BTBD9: variants seen among roughly 807,000 people sequenced by gnomAD.
BTBD9 encodes the protein BTB domain containing 9, also known as BTB/POZ domain-containing protein 9.
BTBD9 carries 49 observed loss-of-function variants against 64.3 expected under a neutral mutation model. The ratio of observed to expected loss-of-function variants is 0.76; its 90% CI spans 0.61 to 0.97. The LOEUF (loss-of-function observed/expected upper bound fraction) is 0.97. Among genes scored for constraint, BTBD9 ranks in the 50% least tolerant of loss-of-function variants. The pLI, the probability that BTBD9 is intolerant of heterozygous loss-of-function variation, is 0.00. For missense variants in BTBD9, 598 were observed against 762.1 expected (o/e 0.78, Z 2.53); for synonymous variants, 260 against 274.7 (o/e 0.95, Z 0.53).
At chr6:38,304,185 G>A (rs1443803560) in intron 7 of BTBD9, among the ~76,000 whole-genome samples, 1 of 151,764 alleles carries the variant, frequency 6.6e-6, no homozygotes, top group African/African-American at 2.4e-5. Context: ...TTCCTTTCAA[G>A]AAACAGCTTT....
At chr6:38,628,104 T>C (rs536879700) in intron 1 of BTBD9, among the ~76,000 whole-genome samples, 8 of 152,132 alleles carry the variant, frequency 5.3e-5, no homozygotes, top group African/African-American at 1.7e-4. Context: ...AGGAACAAAG[T>C]AGAAGGGACA....
At chr6:38,382,072 A>G (rs1394588412) in intron 6 of BTBD9, among the ~76,000 whole-genome samples, 1 of 152,196 alleles carries the variant, frequency 6.6e-6, no homozygotes, top group Admixed American at 6.5e-5. Context: ...CTTTTGCAGA[A>G]TTATGGAACC....
chr6:38,481,079 T>C (rs1031082975), intron 6 of BTBD9, among the ~76,000 whole-genome samples: 13 of 152,028 alleles, frequency 8.6e-5, no homozygotes, highest in African/African-American at 2.9e-4. Flanking sequence ...ACAGAAACAA[T>C]GGAAATCCCA....
chr6:38,577,977 T>C (rs1776128613), intron 5 of BTBD9, among the ~76,000 whole-genome samples: 1 of 152,212 alleles, frequency 6.6e-6, no homozygotes, highest in Admixed American at 6.5e-5. Flanking sequence ...CTTATATTCA[T>C]ATCCCCAGGG....
chr6:38,375,304 A>G (rs1203301434), intron 6 of BTBD9, among the ~76,000 whole-genome samples: 4 of 152,094 alleles, frequency 2.6e-5, no homozygotes, highest in African/African-American at 4.8e-5. Context: ...AGCATCAAAT[A>G]TTTTTTTCTT....
At chr6:38,360,167 G>C (rs1004984639) in intron 6 of BTBD9, among the ~76,000 whole-genome samples, 1 of 152,126 alleles carries the variant, frequency 6.6e-6, no homozygotes, top group African/African-American at 2.4e-5. Flanking sequence ...GAGCAATTTG[G>C]TTTTGGTTTA....
rs148488757 is a variant in BTBD9 at position 38,533,995 on chromosome 6, A to T, written c.1154+43605T>A. Reference sequence around the variant, plus strand: ...AAAGAATTAAAAAAGAGCAAATCAAACCAAAAATGAGTAAAAGAAAATAAA... The same window carrying T: ...AAAGAATTAAAAAAGAGCAAATCAATCCAAAAATGAGTAAAAGAAAATAAA... On this transcript the variant is annotated intron_variant, in intron 6 of 10. Transcript: ENST00000481247. 5.4e-3 allele frequency among the ~76,000 whole-genome samples: 818 copies of T among 152,196 alleles called. 3 individuals carry two copies. The highest frequency in any genetic ancestry group is 0.018 in the African/African-American group (758 of 41,566).
intron 1 of BTBD9, among the ~76,000 whole-genome samples, chr6:38,625,275 T>C (rs1177171964): frequency 1.3e-5 from 2 of 152,228 alleles, no homozygotes; most frequent in Non-Finnish European, 2.9e-5. Flanking sequence ...AGTCAAGATT[T>C]ACGATAATAT....
chr6:38,551,498 T>C lies in BTBD9; in HGVS notation c.1154+26102A>G, dbSNP rs376445552. Reference sequence around the variant, plus strand: ...GCATTGTTTTAATCCCTTTATATTATTCTTATGCAATTTAAACATCATAGC... The same window carrying C: ...GCATTGTTTTAATCCCTTTATATTACTCTTATGCAATTTAAACATCATAGC... On this transcript the variant is annotated intron_variant, in intron 6 of 10. Transcript: ENST00000481247. Among the ~76,000 whole-genome samples the C allele has an allele frequency of 5.3e-5, 8 of 152,338 alleles. No individual in the cohort carries two copies. The East Asian group carries it at 1.5e-3, about 29-fold the overall frequency.
chr6:38,580,967 C>T (rs560389532), intron 4 of BTBD9, among the ~76,000 whole-genome samples: 162 of 152,010 alleles, frequency 1.1e-3, no homozygotes, highest in Non-Finnish European at 1.9e-3. Context: ...CCGAGGTGGG[C>T]GGATCACCTG....
At chr6:38,329,528 G>A (rs1466722239) in intron 7 of BTBD9, among the ~76,000 whole-genome samples, 1 of 151,706 alleles carries the variant, frequency 6.6e-6, no homozygotes, top group African/African-American at 2.4e-5. Flanking sequence ...TTGCCATGTT[G>A]GCCAGGCCGG....
chr6:38,615,888 GATA>G (rs59980976), intron 1 of BTBD9, among the ~76,000 whole-genome samples: 2,513 of 152,264 alleles, frequency 0.017, 67 homozygotes, highest in African/African-American at 0.057. Context: ...ATGAGGATGG[GATA>G]ATGTTGGCTG....
chr6:38,602,631 G>T (rs1016081126), intron 1 of BTBD9, among the ~76,000 whole-genome samples: 2 of 151,818 alleles, frequency 1.3e-5, no homozygotes, highest in Non-Finnish European at 2.9e-5. Context: ...ATGTTTATTT[G>T]TAGTAAAACT....
chr6:38,610,732 T>C (rs1660014934), intron 1 of BTBD9, among the ~76,000 whole-genome samples: 1 of 152,116 alleles, frequency 6.6e-6, no homozygotes, highest in South Asian at 2.1e-4. Flanking sequence ...TGTAACAAAA[T>C]CATGTATGTA....
chr6:38,554,429 G>C (rs1003575486), intron 6 of BTBD9, among the ~76,000 whole-genome samples: 1 of 152,188 alleles, frequency 6.6e-6, no homozygotes, highest in Non-Finnish European at 1.5e-5. Flanking sequence ...TAACTAACGT[G>C]TTGCTATTTA....
intron 6 of BTBD9, among the ~76,000 whole-genome samples, chr6:38,523,852 A>G (rs1478675766): frequency 6.6e-6 from 1 of 152,204 alleles, no homozygotes; most frequent in Admixed American, 6.5e-5. Context: ...AACTGCTCAG[A>G]CATATTGCTA....
intron 6 of BTBD9, among the ~76,000 whole-genome samples, chr6:38,570,377 T>A (rs1227766458): frequency 6.6e-6 from 1 of 152,198 alleles, no homozygotes; most frequent in Non-Finnish European, 1.5e-5. Context: ...TGGTTACAAA[T>A]TTAGCTTTTC....
intron 6 of BTBD9, among the ~76,000 whole-genome samples, chr6:38,501,325 G>A (rs1475888565): frequency 1.3e-5 from 2 of 152,094 alleles, no homozygotes; most frequent in Non-Finnish European, 2.9e-5. Flanking sequence ...TTTCGGATTA[G>A]GAATGCTCAA....
intron 1 of BTBD9, among the ~76,000 whole-genome samples, chr6:38,619,726 A>T (rs775147772): frequency 6.6e-6 from 1 of 152,154 alleles, no homozygotes; most frequent in African/African-American, 2.4e-5. Context: ...TCTCAGTGTT[A>T]ATCTGCCCTG....
Sources: gnomAD v4.1 joint callset for allele counts (sites outside exome capture counted in the v4.1 genomes callset) on GRCh38, gnomAD v4.1.1 for gene constraint, MANE v1.5 for transcripts, NCBI Gene and HGNC (gene_info 2026-07-23, HGNC 2026-07-21) for gene names.